COL26A1: variants seen among roughly 807,000 people sequenced by gnomAD.
COL26A1 encodes the protein collagen type XXVI alpha 1 chain.
A neutral mutation model predicts 59.3 loss-of-function variants in COL26A1; 41 were observed. The ratio of observed to expected loss-of-function variants is 0.69; its 90% CI spans 0.54 to 0.90. The LOEUF is 0.90. COL26A1 is among the 40% of genes least tolerant of loss of function. The probability of loss-of-function intolerance (pLI) is 0.00; values close to 1 mark genes in which losing one functional copy is unlikely to be tolerated. For synonymous variants in COL26A1, 266 were observed against 256.0 expected (o/e 1.04, Z -0.37); for missense variants, 612 against 602.3 (o/e 1.02, Z -0.17).
intron 1 of COL26A1, among the ~76,000 whole-genome samples, chr7:101,400,219 G>C (rs1791959630): frequency 6.6e-6 from 1 of 152,158 alleles, no homozygotes; most frequent in South Asian, 2.1e-4. Context: ...GATGTGGAGA[G>C]AGGCATGGCT....
chr7:101,396,961 C>T lies in COL26A1; in HGVS notation c.159-23016C>T, dbSNP rs550027663. Among the ~76,000 whole-genome samples the T allele has an allele frequency of 5.5e-4, 83 of 152,198 alleles. 1 individual carries two copies. In the South Asian group the frequency reaches 0.012, roughly 21 times the overall value. ...CTTCAGCAGCCCAGGCCTGGGGTGA[C>T]GCTGGGTAGATGGGGCTGTAAGATG... On this transcript the variant is annotated intron_variant, in intron 1 of 12. Transcript: ENST00000313669.
intron 1 of COL26A1, among the ~76,000 whole-genome samples, chr7:101,380,998 G>T (rs1258298204): frequency 6.6e-6 from 1 of 152,184 alleles, no homozygotes; most frequent in Non-Finnish European, 1.5e-5. Flanking sequence ...GGATTACAGA[G>T]GGTGCTTGGG....
intron 1 of COL26A1, among the ~76,000 whole-genome samples, chr7:101,373,553 C>T (rs1166699154): frequency 6.6e-6 from 1 of 151,976 alleles, no homozygotes; most frequent in Non-Finnish European, 1.5e-5. Flanking sequence ...ATACCTTGAC[C>T]TTTCTCCTTT....
intron 1 of COL26A1, among the ~76,000 whole-genome samples, chr7:101,409,611 A>C (rs1393895449): frequency 5.3e-5 from 8 of 152,348 alleles, no homozygotes; most frequent in Admixed American, 3.9e-4. Context: ...GTGTGTTACC[A>C]CCTGATCAGG....
chr7:101,461,308 C>CTTT (rs33975096), intron 3 of COL26A1, among the ~76,000 whole-genome samples: 33 of 148,132 alleles, frequency 2.2e-4, no homozygotes, highest in African/African-American at 4.3e-4. Context: ...CCTCCTCCTT[C>CTTT]TTTTTTTTTG....
rs73173922 is a variant in COL26A1 at position 101,557,046 on chromosome 7, C to T, written c.1166-324C>T. 1.3e-3 allele frequency among the ~76,000 whole-genome samples: 80 copies of T among 61,904 alleles called. 1 individual carries two copies. The highest frequency in any genetic ancestry group is 1.9e-3 in the South Asian group (4 of 2,058). 40.6% of individuals were successfully genotyped at this position (61,904 alleles called of 152,430 possible). A position where few individuals can be genotyped will look rare whatever the true frequency, so the allele number is the denominator to read the frequency against. ...ATGGATGGATGGATGGATGGATGGA[C>T]GGGCAGGTAAATGAGTGAATGAATG... is the stretch of plus-strand genomic sequence containing the variant. On this transcript the variant is annotated intron_variant, in intron 12 of 12. Coordinates refer to ENST00000313669, the MANE Select transcript of COL26A1 (RefSeq NM_001278563.3).
intron 3 of COL26A1, among the ~76,000 whole-genome samples, chr7:101,507,646 C>A (rs548547586): frequency 6.6e-6 from 1 of 152,018 alleles, no homozygotes; most frequent in African/African-American, 2.4e-5. Flanking sequence ...CTCCAACTCC[C>A]GGGATTAAGT....
intron 1 of COL26A1, among the ~76,000 whole-genome samples, chr7:101,369,371 C>T (rs1400408933): frequency 6.6e-6 from 1 of 150,838 alleles, no homozygotes; most frequent in African/African-American, 2.4e-5. Context: ...CACGTCACTG[C>T]ACTCCAGCCT....
In COL26A1 at chr7:101,419,989, T is replaced by A; in HGVS notation, c.171T>A (p.His57Gln). 2 of 1,613,670 alleles carry A rather than the reference T, an allele frequency of 1.2e-6. No individual in the cohort carries two copies. Among genetic ancestry groups the A allele is most frequent in the Non-Finnish European group, 1.7e-6 (2 of 1,179,852 alleles). Residue 57 changes from histidine to glutamine, a missense_variant, in exon 2 of 13, where the codon CAT becomes CAA. Coordinates refer to ENST00000313669, the MANE Select transcript of COL26A1 (RefSeq NM_001278563.3). ...SGYASRRHWC[H>Q]HTVTRTVSCQ... ...GCTCTCTCCACAGGCACTGGTGCCA[T>A]CACACAGTGACACGGACGGTGTCCT... is the stretch of plus-strand genomic sequence containing the variant.
intron 3 of COL26A1, among the ~76,000 whole-genome samples, chr7:101,530,255 A>G (rs1397155786): frequency 2.0e-5 from 3 of 151,956 alleles, no homozygotes; most frequent in African/African-American, 7.3e-5. Context: ...CACAGGAATC[A>G]TTGGTTGTGT....
chr7:101,406,318 G>A (rs569145230), intron 1 of COL26A1, among the ~76,000 whole-genome samples: 1 of 152,186 alleles, frequency 6.6e-6, no homozygotes, highest in Admixed American at 6.5e-5. Context: ...TTTTGTGCCC[G>A]AAAAACTGAT....
chr7:101,487,381 C>T (rs1159436958), intron 3 of COL26A1, among the ~76,000 whole-genome samples: 1 of 152,140 alleles, frequency 6.6e-6, no homozygotes, highest in African/African-American at 2.4e-5. Context: ...AGCCTGCACC[C>T]CATCACCCCG....
intron 1 of COL26A1, among the ~76,000 whole-genome samples, chr7:101,415,373 C>T (rs935740164): frequency 7.9e-5 from 12 of 152,024 alleles, no homozygotes; most frequent in Admixed American, 2.0e-4. Flanking sequence ...AGACTGGTCT[C>T]GAACTCCTGA....
intron 1 of COL26A1, among the ~76,000 whole-genome samples, chr7:101,373,825 C>T (rs537444531): frequency 1.3e-5 from 2 of 152,240 alleles, no homozygotes; most frequent in South Asian, 4.1e-4. Flanking sequence ...TCTGAATCTT[C>T]CCTCTCTTCA....
chr7:101,551,238 T>TGGGGGGGGGGCA, intron 10 of COL26A1, 95 bp downstream of exon 10: 1 of 491,354 alleles, frequency 2.0e-6, no homozygotes. Flanking sequence ...GGTGGGGGGG[T>TGGGGGGGGGGCA]TCAGCCCTGG....
chr7:101,489,601 T>TTCTCTTTCTTTC (rs1286911630), intron 3 of COL26A1, among the ~76,000 whole-genome samples: 6 of 105,232 alleles, frequency 5.7e-5, no homozygotes, highest in South Asian at 3.9e-4. Flanking sequence ...TTTTCTTTCT[T>TTCTCTTTCTTTC]TTTCTTTCTT....
rs1563007634 is a variant in COL26A1 at position 101,489,726 on chromosome 7, TCTCTCTCTTTCTC to T, written c.385+41940_385+41952del. Among the ~76,000 whole-genome samples the T allele has an allele frequency of 3.3e-5, 3 of 90,986 alleles. 1 individual carries two copies. The highest frequency in any genetic ancestry group is 4.1e-5 in the Non-Finnish European group (2 of 48,826). The allele number at this position is 90,986 out of a possible 152,430, so 59.7% of individuals were successfully genotyped here. A position where few individuals can be genotyped will look rare whatever the true frequency, so the allele number is the denominator to read the frequency against. On this transcript the variant is annotated intron_variant, in intron 3 of 12. Transcript: ENST00000313669. ...CTTTCTTTCTTTCATTCTTTCTTTC[TCTCTCTCTTTCTC>T]TCTTTCTTTCTTGTCTCTCTTTCTT...
chr7:101,540,237 C>A (rs1795584170), intron 5 of COL26A1, among the ~76,000 whole-genome samples, 188 bp downstream of exon 5: 1 of 152,196 alleles, frequency 6.6e-6, no homozygotes, highest in Non-Finnish European at 1.5e-5. Flanking sequence ...TCTAGTTTCT[C>A]TTAAGAAGTA....
At chr7:101,407,084 C>T (rs968183463) in intron 1 of COL26A1, among the ~76,000 whole-genome samples, 17 of 152,156 alleles carry the variant, frequency 1.1e-4, no homozygotes, top group Admixed American at 1.3e-4. Context: ...GTATCCTGCT[C>T]GCCCCTTCAA....
Sources: gnomAD v4.1 joint callset for allele counts (sites outside exome capture counted in the v4.1 genomes callset) on GRCh38, gnomAD v4.1.1 for gene constraint, MANE v1.5 for transcripts, NCBI Gene and HGNC (gene_info 2026-07-23, HGNC 2026-07-21) for gene names.